PTPRN2: variants seen among roughly 807,000 people sequenced by gnomAD.
PTPRN2 encodes protein tyrosine phosphatase receptor type N2, also known as receptor-type tyrosine-protein phosphatase N2.
PTPRN2 carries 74 observed loss-of-function variants against 118.8 expected under a neutral mutation model. The ratio of observed to expected loss-of-function variants is 0.62; its 90% CI spans 0.52 to 0.76. The LOEUF (loss-of-function observed/expected upper bound fraction) is 0.76, where lower values mean the gene tolerates loss of function less well. Ranked by LOEUF, PTPRN2 falls within the 30% of genes least tolerant of loss-of-function variation. PTPRN2 has a pLI of 0.00. For missense variants in PTPRN2, 1,481 were observed against 1,394.4 expected (o/e 1.06, Z -0.99); for synonymous variants, 641 against 608.0 (o/e 1.05, Z -0.80).
chr7:157,648,963 C>G (rs1360576364), intron 14 of PTPRN2, among the ~76,000 whole-genome samples: 1 of 147,190 alleles, frequency 6.8e-6, no homozygotes, highest in African/African-American at 2.5e-5. Flanking sequence ...GTGCACTGAA[C>G]TCGGTGGGTC....
chr7:158,116,156 G>C (rs1345843046), intron 9 of PTPRN2, among the ~76,000 whole-genome samples: 1 of 152,176 alleles, frequency 6.6e-6, no homozygotes, highest in Non-Finnish European at 1.5e-5. Flanking sequence ...CTGCATGAAT[G>C]AATGAACACG....
rs552675601 is a variant in PTPRN2 at position 158,136,574 on chromosome 7, A to G, written c.1173+81T>C. ...TCTGGGAAAAAAACTTTTGTATTTC[A>G]TAAATGTTCCCACACCATGAACAAA... On this transcript the variant is annotated intron_variant, in intron 8 of 22. Coordinates refer to ENST00000389418, the MANE Select transcript of PTPRN2 (RefSeq NM_002847.5). The G allele has an allele frequency of 9.2e-6, 13 of 1,415,544 alleles. No individual in the cohort carries two copies. The Admixed American group carries it at 1.3e-4, about 15-fold the overall frequency. The allele number at this position is 1,415,544 out of a possible 1,614,324, so 87.7% of individuals were successfully genotyped here.
At chr7:158,012,186 G>A (rs1310845156) in intron 11 of PTPRN2, among the ~76,000 whole-genome samples, 1 of 152,186 alleles carries the variant, frequency 6.6e-6, no homozygotes, top group Admixed American at 6.5e-5. Flanking sequence ...TGTTCTTAGT[G>A]TCTGACACGT....
At chr7:158,478,492 G>A (rs535372591) in intron 2 of PTPRN2, among the ~76,000 whole-genome samples, 54 of 152,310 alleles carry the variant, frequency 3.5e-4, no homozygotes, top group African/African-American at 9.1e-4. Flanking sequence ...CTCAAAGAAC[G>A]GGTGGGATGC....
chr7:158,456,270 G>GC (rs1239150495), intron 2 of PTPRN2, among the ~76,000 whole-genome samples: 68 of 148,430 alleles, frequency 4.6e-4, no homozygotes, highest in Non-Finnish European at 9.0e-4. Context: ...ATCGGCCACG[G>GC]CCCCCCATTG....
chr7:158,466,895 G>A (rs571950711), intron 2 of PTPRN2, among the ~76,000 whole-genome samples: 2 of 152,302 alleles, frequency 1.3e-5, no homozygotes, highest in South Asian at 4.1e-4. Flanking sequence ...ATAAAAATTA[G>A]CTAGGCATGG....
chr7:157,588,312 A>C (rs1239343623), intron 17 of PTPRN2, among the ~76,000 whole-genome samples: 2 of 152,208 alleles, frequency 1.3e-5, no homozygotes, highest in Admixed American at 6.5e-5. Flanking sequence ...GCCGCGTAGC[A>C]CAGGGTGTGG....
chr7:158,092,179 T>G (rs1814233347), intron 10 of PTPRN2, among the ~76,000 whole-genome samples: 1 of 151,146 alleles, frequency 6.6e-6, no homozygotes, highest in Non-Finnish European at 1.5e-5. Context: ...CAGAGATATA[T>G]ATACACATAT....
At chr7:157,769,081 C>A (rs189948337) in intron 12 of PTPRN2, among the ~76,000 whole-genome samples, 1 of 152,178 alleles carries the variant, frequency 6.6e-6, no homozygotes, top group African/African-American at 2.4e-5. Flanking sequence ...TTAACCACAG[C>A]GAACGGGAGG....
Position 158,034,612 on chromosome 7 carries a change from C to G in PTPRN2, c.1723+46686G>C, listed in dbSNP as rs139384015. The stretch of plus-strand genomic sequence containing the variant: ...TAAACCTCTTTATTTTGTAAACTGC[C>G]CAGTCTCAGATATGTCTTTATCAGC... On this transcript the variant is annotated intron_variant, in intron 11 of 22. Coordinates refer to ENST00000389418, the MANE Select transcript of PTPRN2 (RefSeq NM_002847.5). Among the ~76,000 whole-genome samples the G allele has an allele frequency of 4.2e-3, 633 of 152,280 alleles. 6 individuals are homozygous for G. The highest frequency in any genetic ancestry group is 0.015 in the African/African-American group (608 of 41,536).
At chr7:157,904,666 T>C (rs1275522823) in intron 11 of PTPRN2, among the ~76,000 whole-genome samples, 1 of 152,208 alleles carries the variant, frequency 6.6e-6, no homozygotes, top group East Asian at 1.9e-4. Context: ...CTGTGGGGCG[T>C]CAGCTGACTT....
chr7:158,457,212 T>C (rs1160419669), intron 2 of PTPRN2, among the ~76,000 whole-genome samples: 1 of 152,160 alleles, frequency 6.6e-6, no homozygotes, highest in African/African-American at 2.4e-5. Flanking sequence ...CCTTTCCTGA[T>C]GCTTATTTCC....
rs1278292669 is a variant in PTPRN2, at chr7:158,425,249, G to T, written c.163+64486C>A. Among the ~76,000 whole-genome samples the T allele has an allele frequency of 1.9e-4, 4 of 20,712 alleles. 1 individual carries two copies. Among genetic ancestry groups the T allele is most frequent in the African/African-American group, 2.9e-4 (2 of 6,846 alleles). The allele number at this position is 20,712 out of a possible 152,430, so 13.6% of individuals were successfully genotyped here. Reference sequence around the variant, plus strand: ...CCAGCCTAGCTGAGGCCTGCGCACCGCCGGGAAAGACGCGGGGTCCGAGAC... The same window carrying T: ...CCAGCCTAGCTGAGGCCTGCGCACCTCCGGGAAAGACGCGGGGTCCGAGAC... On this transcript the variant is annotated intron_variant, in intron 2 of 22. Transcript: ENST00000389418.
chr7:158,468,924 C>T lies in PTPRN2; in HGVS notation c.163+20811G>A, dbSNP rs1819589853. On this transcript the variant is annotated intron_variant, in intron 2 of 22. Transcript: ENST00000389418. ...AACAGTGTGCACACCCAGGCACACT[C>T]CTGGTGGATCAACAGTAGGCACACC... Among the ~76,000 whole-genome samples the T allele has an allele frequency of 3.3e-5, 5 of 152,118 alleles. No homozygotes were observed. In the South Asian group the frequency reaches 1.0e-3, roughly 32 times the overall value.
chr7:158,321,226 G>A (rs754302225), intron 2 of PTPRN2, among the ~76,000 whole-genome samples: 2 of 152,064 alleles, frequency 1.3e-5, no homozygotes, highest in Non-Finnish European at 2.9e-5. Flanking sequence ...AACAATCCCG[G>A]GAAGTGGCAC....
chr7:158,372,867 C>A (rs933046902), intron 2 of PTPRN2, among the ~76,000 whole-genome samples: 2 of 152,204 alleles, frequency 1.3e-5, no homozygotes, highest in African/African-American at 4.8e-5. Context: ...GTTCTCCAGG[C>A]TGTGATTCAG....
At chr7:158,071,860 G>T (rs1207489999) in intron 11 of PTPRN2, among the ~76,000 whole-genome samples, 1 of 12,074 alleles carries the variant, frequency 8.3e-5, no homozygotes, top group Non-Finnish European at 1.5e-4. Flanking sequence ...TGGTGGAGGT[G>T]CTCGTCATAT....
At chr7:157,749,756 G>A (rs1322959871) in intron 12 of PTPRN2, among the ~76,000 whole-genome samples, 8 of 144,866 alleles carry the variant, frequency 5.5e-5, no homozygotes, top group African/African-American at 2.1e-4. Context: ...CTGCGTCCCT[G>A]AGCTGCGGGG....
chr7:158,347,597 G>A (rs546296717), intron 2 of PTPRN2, among the ~76,000 whole-genome samples: 168 of 152,214 alleles, frequency 1.1e-3, no homozygotes, highest in Admixed American at 2.4e-3. Flanking sequence ...GTTTTATGTG[G>A]TTCCATATGA....
Sources: allele counts gnomAD v4.1 joint callset (sites outside exome capture counted in the v4.1 genomes callset), GRCh38; gene constraint gnomAD v4.1.1; transcripts MANE v1.5; gene names NCBI Gene and HGNC (gene_info 2026-07-23, HGNC 2026-07-21).